ARHGEF10: variants seen among roughly 807,000 people sequenced by gnomAD.
ARHGEF10 encodes the protein Rho guanine nucleotide exchange factor 10, also known as Rho guanine nucleotide exchange factor (GEF) 10.
ARHGEF10 carries 140 observed loss-of-function variants against 147.4 expected under a neutral mutation model. That is an observed-to-expected ratio of 0.95 (90% CI 0.83 to 1.09). The LOEUF (loss-of-function observed/expected upper bound fraction) is 1.09, where lower values mean the gene tolerates loss of function less well. Ranked by LOEUF, ARHGEF10 falls within the 50% of genes least tolerant of loss-of-function variation. The pLI, the probability that ARHGEF10 is intolerant of heterozygous loss-of-function variation, is 0.00. For synonymous variants in ARHGEF10, 902 were observed against 695.8 expected (o/e 1.30, Z -4.67); for missense variants, 2,222 against 1,752.7 (o/e 1.27, Z -4.78).
At chr8:1,842,923 G>A (rs886538651) in intron 1 of ARHGEF10, among the ~76,000 whole-genome samples, 1 of 152,210 alleles carries the variant, frequency 6.6e-6, no homozygotes, top group Non-Finnish European at 1.5e-5. Context: ...TCCCAGCTAA[G>A]TCTGGAAGAA....
intron 4 of ARHGEF10, among the ~76,000 whole-genome samples, chr8:1,863,769 C>T (rs535480033): frequency 4.3e-4 from 65 of 152,234 alleles, no homozygotes; most frequent in South Asian, 8.3e-4. Context: ...TGCGGCTTTG[C>T]TCACGGCTCA....
intron 18 of ARHGEF10, among the ~76,000 whole-genome samples, chr8:1,921,727 C>G (rs916063480): frequency 8.3e-6 from 1 of 120,700 alleles, no homozygotes; most frequent in Non-Finnish European, 1.7e-5. Context: ...AAGAGCGACA[C>G]TTCGTCTCAA....
Position 1,866,535 on chromosome 8 carries a change from AG to A in ARHGEF10, c.556del (p.Val186SerfsTer44), listed in dbSNP as rs1249231353. The A allele has an allele frequency of 3.1e-6, 5 of 1,611,534 alleles. No homozygotes were observed. In the East Asian group the frequency reaches 1.1e-4, roughly 36 times the overall value. On this transcript the variant is annotated frameshift_variant, in exon 6 of 29. Transcript: ENST00000349830. LOFTEE classifies it high-confidence loss of function. ...SEEPPTSEDQ[V>X]GREDSALARW... ...GTTTGTTTTCTTTAAGTGAAGATCA[AG>A]TCGGTCGAGAGGACAGCGCACTTGC...
At chr8:1,934,503 A>G (rs904060986) in intron 26 of ARHGEF10, among the ~76,000 whole-genome samples, 1 of 152,252 alleles carries the variant, frequency 6.6e-6, no homozygotes, top group African/African-American at 2.4e-5. Flanking sequence ...ACATTGCTTT[A>G]AGAAATGTGT....
At chr8:1,870,337 G>A (rs1331181118) in intron 7 of ARHGEF10, 2 of 146,580 alleles carry the variant, frequency 1.4e-5, no homozygotes, top group South Asian at 2.1e-4. Context: ...TTTGAAACCA[G>A]TAGTGCAAAA....
chr8:1,857,879 GATCTATCTATCTATCTATCTATCTATCT>G, intron 2 of ARHGEF10, 53 bp from the exon 3 acceptor site: 2 of 593,606 alleles, frequency 3.4e-6, no homozygotes, highest in East Asian at 3.1e-5. Flanking sequence ...TAGATCGATC[GATCTATCTATCTATCTATCTATCTATCT>G]ATCTATCTAT....
chr8:1,926,340 G>A, intron 22 of ARHGEF10, 37 bp from the exon 23 acceptor site: 1 of 1,565,900 alleles, frequency 6.4e-7, no homozygotes, highest in Admixed American at 1.7e-5. Context: ...TCTTAGCTCT[G>A]TTTTATATGT....
intron 2 of ARHGEF10, among the ~76,000 whole-genome samples, chr8:1,849,873 A>C (rs1331973108): frequency 7.0e-6 from 1 of 142,684 alleles, no homozygotes; most frequent in Non-Finnish European, 1.5e-5. Flanking sequence ...GCAAATGCTG[A>C]GGAGGGCGTG....
chr8:1,912,228 C>T (rs73671034), intron 18 of ARHGEF10, among the ~76,000 whole-genome samples: 17,122 of 148,788 alleles, frequency 0.12, 1,059 homozygotes, highest in Middle Eastern at 0.16. Flanking sequence ...TCGCTGTCCC[C>T]GCAGAAGCGC....
At chr8:1,873,060 G>C (rs1419841033) in intron 7 of ARHGEF10, among the ~76,000 whole-genome samples, 1 of 152,204 alleles carries the variant, frequency 6.6e-6, no homozygotes, top group African/African-American at 2.4e-5. Flanking sequence ...GAGTCCAGCC[G>C]TCGGCCCCCT....
intron 1 of ARHGEF10, among the ~76,000 whole-genome samples, chr8:1,840,441 ACTGTCCGGTGTGGAAG>A (rs1428878326): frequency 1.5e-5 from 2 of 131,922 alleles, no homozygotes; most frequent in African/African-American, 2.9e-5. Flanking sequence ...CGGTGTGGGG[ACTGTCCGGTGTGGAAG>A]CTGTCCGGTG....
chr8:1,925,828 G>A (rs929529441), intron 22 of ARHGEF10, among the ~76,000 whole-genome samples: 2 of 152,222 alleles, frequency 1.3e-5, no homozygotes, highest in African/African-American at 4.8e-5. Context: ...CCAGGGTGGC[G>A]TCTTATTAAT....
In ARHGEF10 at chr8:1,894,476, G is replaced by A; in HGVS notation, c.1344G>A (p.Glu448=). Reference sequence around the variant, plus strand: ...AGACGGTGTTCTACCGAGTCAAAGAGATCCTGCAGTGCCACTCGCTATTTC... The same window carrying A: ...AGACGGTGTTCTACCGAGTCAAAGAAATCCTGCAGTGCCACTCGCTATTTC... The part of the protein sequence containing the change: ...KLKTVFYRVK[E]ILQCHSLFQI... Residue 448 remains glutamate, a synonymous_variant, in exon 13 of 29, where the codon GAG becomes GAA. Transcript: ENST00000349830. The A allele has an allele frequency of 6.2e-7, 1 of 1,614,208 alleles. No individual in the cohort carries two copies.
Position 1,898,485 on chromosome 8 carries a change from A to T in ARHGEF10, c.1610A>T (p.Lys537Met). ...DRTTLYSLMM[K>M]PIQRFPQFIL... ...ACCACGCTCTACAGCCTGATGATGA[A>T]GCCCATCCAGAGGTTCCCACAGTTC... is the stretch of plus-strand genomic sequence containing the variant. The change falls in exon 15 of 29, where the codon AAG becomes ATG. Residue 537 changes from lysine (K) to methionine (M), a missense_variant. Lys to Met is a moderately conservative substitution (Grantham distance 95). Transcript: ENST00000349830. The T allele has an allele frequency of 6.2e-7, 1 of 1,614,116 alleles. No individual in the cohort carries two copies. The highest frequency in any genetic ancestry group is 8.5e-7 in the Non-Finnish European group (1 of 1,180,020).
intron 1 of ARHGEF10, among the ~76,000 whole-genome samples, chr8:1,825,592 C>T (rs558298039): frequency 6.6e-6 from 1 of 151,602 alleles, no homozygotes; most frequent in Non-Finnish European, 1.5e-5. Flanking sequence ...GGTCCACAGA[C>T]GCCCTGCCCA....
chr8:1,930,401 G>A (rs573006919), intron 25 of ARHGEF10, among the ~76,000 whole-genome samples: 7 of 152,272 alleles, frequency 4.6e-5, no homozygotes, highest in African/African-American at 9.6e-5. Flanking sequence ...GGATGGCAGC[G>A]TAGCCTCGCC....
At chr8:1,884,265 G>A (rs1342022806) in intron 10 of ARHGEF10, among the ~76,000 whole-genome samples, 1 of 151,956 alleles carries the variant, frequency 6.6e-6, no homozygotes, top group Admixed American at 6.6e-5. Flanking sequence ...GCGTGGTGGC[G>A]GGTGCCTGTA....
chr8:1,956,210 T>C (rs966230767), intron 28 of ARHGEF10, among the ~76,000 whole-genome samples: 1 of 152,234 alleles, frequency 6.6e-6, no homozygotes, highest in Non-Finnish European at 1.5e-5. Context: ...ATCGTGACTT[T>C]AAAATTTGAA....
intron 18 of ARHGEF10, among the ~76,000 whole-genome samples, chr8:1,916,558 T>C (rs886229445): frequency 6.6e-6 from 1 of 152,094 alleles, no homozygotes; most frequent in African/African-American, 2.4e-5. Context: ...CACCTGGGAG[T>C]CTCCTAGGCC....
Sources: gnomAD v4.1 joint callset for allele counts (sites outside exome capture counted in the v4.1 genomes callset) on GRCh38, gnomAD v4.1.1 for gene constraint, MANE v1.5 for transcripts, NCBI Gene and HGNC (gene_info 2026-07-23, HGNC 2026-07-21) for gene names.